TPPP3: variants seen among roughly 807,000 people sequenced by gnomAD.
TPPP3 encodes the protein tubulin polymerization promoting protein family member 3, also known as tubulin polymerization-promoting protein family member 3.
A neutral mutation model predicts 13.1 loss-of-function variants in TPPP3; 7 were observed. The observed-to-expected ratio is 0.54, with a 90% CI of 0.30 to 1.01. The LOEUF (loss-of-function observed/expected upper bound fraction) is 1.01, where lower values mean the gene tolerates loss of function less well. TPPP3 is among the 50% of genes least tolerant of loss of function. The pLI is 0.06. For missense variants in TPPP3, 185 were observed against 235.0 expected, an observed-to-expected ratio of 0.79 and a Z score of 1.39; for synonymous variants, 87 against 93.7, an observed-to-expected ratio of 0.93 and a Z score of 0.41.
Position 67,391,485 on chromosome 16 carries a change from G to A in TPPP3, c.-6-368C>T, listed in dbSNP as rs2040326990. ...GCCTTGCTTGGGTGGAAGTGAGGGT[G>A]GCAGAGCAGGCCCCCTCCCTGGAAG... On this transcript the variant is annotated intron_variant, in intron 1 of 3. Transcript: ENST00000393957. The surrounding 1 kb of genome is among the most constrained non-coding windows in gnomAD (Gnocchi z 6.3). 1 of 210,672 alleles carries A rather than the reference G, an allele frequency of 4.7e-6. No individual in the cohort carries two copies. Among genetic ancestry groups the A allele is most frequent in the Admixed American group, 5.3e-5 (1 of 18,968 alleles). The allele number at this position is 210,672 out of a possible 1,614,324, so 13.1% of individuals were successfully genotyped here. A position where few individuals can be genotyped will look rare whatever the true frequency, so the allele number is the denominator to read the frequency against.
Position 67,390,895 on chromosome 16 carries a change from A to G in TPPP3, c.188+29T>C. On this transcript the variant is annotated intron_variant, in intron 2 of 3. Coordinates refer to ENST00000393957, the MANE Select transcript of TPPP3 (RefSeq NM_015964.4). The surrounding 1 kb of genome is among the most constrained non-coding windows in gnomAD (Gnocchi z 6.4). The stretch of plus-strand genomic sequence containing the variant: ...CCCCAGTTCCCCACCTCCTGGGAAC[A>G]TGAGAAGCAGGGGCTGCTTAGGGCT... 1 of 1,604,416 alleles carries G rather than the reference A, an allele frequency of 6.2e-7. No homozygotes were observed.
Position 67,393,083 on chromosome 16 carries a change from T to G in TPPP3, c.-7+297A>C. ...TCTTGGTCATCTCAGCGCGGTCAGG[T>G]GGCGCTGGGTTGCAGGCCGCAGCCC... is the stretch of plus-strand genomic sequence containing the variant. On this transcript the variant is annotated intron_variant, in intron 1 of 3. Coordinates refer to ENST00000393957, the MANE Select transcript of TPPP3 (RefSeq NM_015964.4). The surrounding 1 kb of genome is among the most constrained non-coding windows in gnomAD (Gnocchi z 5.4). The G allele has an allele frequency of 1.0e-6, 1 of 960,012 alleles. No individual in the cohort carries two copies. Among genetic ancestry groups the G allele is most frequent in the Non-Finnish European group, 1.2e-6 (1 of 806,698 alleles). 59.5% of individuals were successfully genotyped at this position (960,012 alleles called of 1,614,324 possible).
chr16:67,390,298 T>C lies in TPPP3; in HGVS notation c.407A>G (p.Lys136Arg). The change falls in exon 4 of 4, where the codon AAG becomes AGG. Residue 136 changes from lysine (K) to arginine (R), a missense_variant. Physicochemically the swap from Lys to Arg is conservative, Grantham distance 26. Transcript: ENST00000393957. This position sits in a 1 kb window ranked among gnomAD's most constrained non-coding sequence, Gnocchi z 6.4. ...CTTGCCGCTCTCATCGAAGCGCTCCTTGTGGGAGCCCGTGTATCTGCTGGT... is the reference window on the plus strand; with the variant it reads ...CTTGCCGCTCTCATCGAAGCGCTCCCTGTGGGAGCCCGTGTATCTGCTGGT... Reference protein sequence around the residue: ...TDTSRYTGSHKERFDESGKGK... With the variant: ...TDTSRYTGSHRERFDESGKGK... The C allele has an allele frequency of 1.2e-6, 2 of 1,614,236 alleles. No homozygotes were observed. Among genetic ancestry groups the C allele is most frequent in the Non-Finnish European group, 1.7e-6 (2 of 1,180,036 alleles).
At position 67,390,293 on chromosome 16, in the gene TPPP3, G is replaced by A. The variant is rs562124643; in HGVS notation, c.412C>T (p.Arg138Cys). The A allele has an allele frequency of 8.1e-6, 13 of 1,614,204 alleles. No individual in the cohort carries two copies. Among genetic ancestry groups the A allele is most frequent in the African/African-American group, 6.7e-5 (5 of 75,056 alleles). ...TSRYTGSHKE[R>C]FDESGKGKGI... is the part of the protein sequence containing the mutation. Reference sequence around the variant, plus strand: ...TTGCCCTTGCCGCTCTCATCGAAGCGCTCCTTGTGGGAGCCCGTGTATCTG... The same window carrying A: ...TTGCCCTTGCCGCTCTCATCGAAGCACTCCTTGTGGGAGCCCGTGTATCTG... Residue 138 changes from arginine to cysteine, a missense_variant, in exon 4 of 4, where the codon CGC (arginine) becomes TGC (cysteine). By Grantham distance (180) the Arg-to-Cys change is radical (BLOSUM62 -3). Coordinates refer to ENST00000393957, the MANE Select transcript of TPPP3 (RefSeq NM_015964.4). This position sits in a 1 kb window ranked among gnomAD's most constrained non-coding sequence, Gnocchi z 6.4.
Position 67,390,587 on chromosome 16 carries a change from G to C in TPPP3, c.234C>G (p.Ala78=). ...RVINYEEFKK[A]LEELATKRFK... is the part of the protein sequence containing the mutation. ...ATCTCTTGGTCGCCAGCTCTTCCAG[G>C]GCCTTCTTGAACTCCTCATAGTTGA... is the stretch of plus-strand genomic sequence containing the variant. Residue 78 remains alanine, a synonymous_variant, in exon 3 of 4, where the codon GCC becomes GCG. Transcript: ENST00000393957. The surrounding 1 kb of genome is among the most constrained non-coding windows in gnomAD (Gnocchi z 6.4). 1 of 1,613,898 alleles carries C rather than the reference G, an allele frequency of 6.2e-7. No individual in the cohort carries two copies. The highest frequency in any genetic ancestry group is 1.1e-5 in the South Asian group (1 of 91,076).
In TPPP3 at chr16:67,392,536, C is replaced by T. The variant is rs1024067836; in HGVS notation, c.-7+844G>A. On this transcript the variant is annotated intron_variant, in intron 1 of 3. Coordinates refer to ENST00000393957, the MANE Select transcript of TPPP3 (RefSeq NM_015964.4). This position sits in a 1 kb window ranked among gnomAD's most constrained non-coding sequence, Gnocchi z 4.9. ...CAGCACCCCTTTGTCCACACACCCT[C>T]AGCCCTCTGGCCACACCCTCAGCCT... Among the ~76,000 whole-genome samples, 1 of 152,050 alleles carries T rather than the reference C, an allele frequency of 6.6e-6. No individual in the cohort carries two copies. The highest frequency in any genetic ancestry group is 1.5e-5 in the Non-Finnish European group (1 of 68,016).
rs1002628426 is a variant in TPPP3, at chr16:67,390,631, C to G, written c.190G>C (p.Gly64Arg). ...DVDIVFSKVK[G>R]KSARVINYEE... Reference sequence around the variant, plus strand: ...TAGTTGATGACCCGAGCAGACTTCCCCCTGACAGGCATGTGGGCACCATGA... The same window carrying G: ...TAGTTGATGACCCGAGCAGACTTCCGCCTGACAGGCATGTGGGCACCATGA... Residue 64 changes from glycine to arginine, a missense_variant and splice_region_variant, in exon 3 of 4, where the codon GGG becomes CGG. Gly to Arg is a moderately radical substitution (Grantham distance 125, BLOSUM62 -2). Transcript: ENST00000393957. The surrounding 1 kb of genome is among the most constrained non-coding windows in gnomAD (Gnocchi z 6.4). 6.2e-7 allele frequency: 1 copy of G among 1,612,024 alleles called. No homozygotes were observed. Among genetic ancestry groups the G allele is most frequent in the Non-Finnish European group, 8.5e-7 (1 of 1,179,612 alleles).
chr16:67,389,944 A>C lies in TPPP3; in HGVS notation c.*230T>G, dbSNP rs887841295. The C allele has an allele frequency of 3.9e-5, 22 of 569,106 alleles. No individual in the cohort carries two copies. The highest frequency in any genetic ancestry group is 3.6e-4 in the African/African-American group (19 of 53,414). 35.3% of individuals were successfully genotyped at this position (569,106 alleles called of 1,614,324 possible). On this transcript the variant is annotated 3_prime_UTR_variant, in exon 4 of 4. Coordinates refer to ENST00000393957, the MANE Select transcript of TPPP3 (RefSeq NM_015964.4). ...GTTGGGGTCATGAGGCTACAGGCACAGACTGTCCCCAGGTGGACAGAAGTT... is the reference window on the plus strand; with the variant it reads ...GTTGGGGTCATGAGGCTACAGGCACCGACTGTCCCCAGGTGGACAGAAGTT...
In TPPP3 at chr16:67,392,973, G is replaced by A; in HGVS notation, c.-7+407C>T. Reference sequence around the variant, plus strand: ...TGGTTCACCAAGGGTAACGTCCAGGGGAGCTTGGATGCCACAGGGTGCTTG... The same window carrying A: ...TGGTTCACCAAGGGTAACGTCCAGGAGAGCTTGGATGCCACAGGGTGCTTG... On this transcript the variant is annotated intron_variant, in intron 1 of 3. Coordinates refer to ENST00000393957, the MANE Select transcript of TPPP3 (RefSeq NM_015964.4). This position sits in a 1 kb window ranked among gnomAD's most constrained non-coding sequence, Gnocchi z 4.9. The A allele has an allele frequency of 1.0e-6, 1 of 985,526 alleles. No individual in the cohort carries two copies. The highest frequency in any genetic ancestry group is 4.7e-5 in the South Asian group (1 of 21,288). The allele number at this position is 985,526 out of a possible 1,614,324, so 61.0% of individuals were successfully genotyped here.
At position 67,393,116 on chromosome 16, in the gene TPPP3, C is replaced by A; in HGVS notation, c.-7+264G>T. 1 of 837,218 alleles carries A rather than the reference C, an allele frequency of 1.2e-6. No individual in the cohort carries two copies. The highest frequency in any genetic ancestry group is 1.4e-6 in the Non-Finnish European group (1 of 694,332). The allele number at this position is 837,218 out of a possible 1,614,324, so 51.9% of individuals were successfully genotyped here. On this transcript the variant is annotated intron_variant, in intron 1 of 3. Transcript: ENST00000393957. This position sits in a 1 kb window ranked among gnomAD's most constrained non-coding sequence, Gnocchi z 5.4. ...GGTTGCAGGCCGCAGCCCCATGGGT[C>A]TGCAGGCCATGGATGGAGTGGCCAC...
In TPPP3 at chr16:67,393,167, C is replaced by T. The variant is rs576911618; in HGVS notation, c.-7+213G>A. 1.6e-6 allele frequency: 1 copy of T among 621,872 alleles called. No individual in the cohort carries two copies. Among genetic ancestry groups the T allele is most frequent in the Non-Finnish European group, 2.0e-6 (1 of 497,786 alleles). 38.5% of individuals were successfully genotyped at this position (621,872 alleles called of 1,614,324 possible). ...ACCCGTGAACTGGAGCCACCCGTCC[C>T]GCTCCCACTGGGACAGCTGGAGTCA... On this transcript the variant is annotated intron_variant, in intron 1 of 3. Transcript: ENST00000393957. This position sits in a 1 kb window ranked among gnomAD's most constrained non-coding sequence, Gnocchi z 5.4.
Position 67,389,999 on chromosome 16 carries a change from C to A in TPPP3, c.*175G>T. The A allele has an allele frequency of 1.6e-6, 1 of 641,768 alleles. No homozygotes were observed. The highest frequency in any genetic ancestry group is 1.8e-5 in the African/African-American group (1 of 54,670). 39.8% of individuals were successfully genotyped at this position (641,768 alleles called of 1,614,324 possible). A position where few individuals can be genotyped will look rare whatever the true frequency, so the allele number is the denominator to read the frequency against. ...CAGGAAGAGGAGGAGGAAGGGGCCG[C>A]AGAGCAGCCTGGGTCAGAGGCCTGG... On this transcript the variant is annotated 3_prime_UTR_variant, in exon 4 of 4. Coordinates refer to ENST00000393957, the MANE Select transcript of TPPP3 (RefSeq NM_015964.4).
chr16:67,391,333 C>T lies in TPPP3; in HGVS notation c.-6-216G>A. On this transcript the variant is annotated intron_variant, in intron 1 of 3. Coordinates refer to ENST00000393957, the MANE Select transcript of TPPP3 (RefSeq NM_015964.4). The surrounding 1 kb of genome is among the most constrained non-coding windows in gnomAD (Gnocchi z 6.3). Reference sequence around the variant, plus strand: ...GGGAGGCACGGTCTTGTCACTAATGCCAGCCCTGGCTCTCAGCAGGGTTCA... The same window carrying T: ...GGGAGGCACGGTCTTGTCACTAATGTCAGCCCTGGCTCTCAGCAGGGTTCA... The T allele has an allele frequency of 3.4e-6, 2 of 582,322 alleles. No homozygotes were observed. The highest frequency in any genetic ancestry group is 6.1e-6 in the Non-Finnish European group (2 of 326,522). The allele number at this position is 582,322 out of a possible 1,614,324, so 36.1% of individuals were successfully genotyped here.
chr16:67,392,831 T>G lies in TPPP3; in HGVS notation c.-7+549A>C. ...ACTCCCATCCCTAAGTGGCAGTTTC[T>G]GGGACTGTGAGCACCGGTGGTTCCT... is the stretch of plus-strand genomic sequence containing the variant. On this transcript the variant is annotated intron_variant, in intron 1 of 3. Transcript: ENST00000393957. The surrounding 1 kb of genome is among the most constrained non-coding windows in gnomAD (Gnocchi z 4.9). 1 of 387,344 alleles carries G rather than the reference T, an allele frequency of 2.6e-6. No homozygotes were observed. The highest frequency in any genetic ancestry group is 3.5e-6 in the Non-Finnish European group (1 of 282,972). 24.0% of individuals were successfully genotyped at this position (387,344 alleles called of 1,614,324 possible).
At position 67,390,498 on chromosome 16, in the gene TPPP3, G is replaced by A. The variant is rs1406036843; in HGVS notation, c.323C>T (p.Pro108Leu). The change falls in exon 3 of 4, where the codon CCA becomes CTA. Residue 108 changes from proline (P) to leucine (L), a missense_variant. Transcript: ENST00000393957. The surrounding 1 kb of genome is among the most constrained non-coding windows in gnomAD (Gnocchi z 6.4). ...ACTTACAGTGACGCCCACATTGGCTGGCTCTTTGCCTGCCACCAGCTGGCA... is the reference window on the plus strand; with the variant it reads ...ACTTACAGTGACGCCCACATTGGCTAGCTCTTTGCCTGCCACCAGCTGGCA... Reference protein sequence around the residue: ...AICQLVAGKEPANVGVTKAKT... With the variant: ...AICQLVAGKELANVGVTKAKT... 1.9e-6 allele frequency: 3 copies of A among 1,613,718 alleles called. No homozygotes were observed. Among genetic ancestry groups the A allele is most frequent in the African/African-American group, 1.3e-5 (1 of 74,870 alleles).
Position 67,391,043 on chromosome 16 carries a change from G to A in TPPP3, c.69C>T (p.Pro23=), listed in dbSNP as rs779591844. The A allele has an allele frequency of 6.2e-7, 1 of 1,614,168 alleles. No homozygotes were observed. Among genetic ancestry groups the A allele is most frequent in the Non-Finnish European group, 8.5e-7 (1 of 1,180,022 alleles). The change falls in exon 2 of 4, where the codon CCC becomes CCT. Residue 23 remains proline, a synonymous_variant. Transcript: ENST00000393957. This position sits in a 1 kb window ranked among gnomAD's most constrained non-coding sequence, Gnocchi z 6.3. Reference sequence around the variant, plus strand: ...CATTCATCTCTTGCCCACTGGCCTTGGGGTCACCATGGATGGCAAACTTGC... The same window carrying A: ...CATTCATCTCTTGCCCACTGGCCTTAGGGTCACCATGGATGGCAAACTTGC... ...SFRKFAIHGD[P]KASGQEMNGK... is the part of the protein sequence containing the mutation.
rs1310654728 is a variant in TPPP3, at chr16:67,391,323, G to A, written c.-6-206C>T. 1.7e-6 allele frequency: 1 copy of A among 591,240 alleles called. No homozygotes were observed. Among genetic ancestry groups the A allele is most frequent in the Non-Finnish European group, 3.0e-6 (1 of 332,952 alleles). 36.6% of individuals were successfully genotyped at this position (591,240 alleles called of 1,614,324 possible). A position where few individuals can be genotyped will look rare whatever the true frequency, so the allele number is the denominator to read the frequency against. Reference sequence around the variant, plus strand: ...GAAGAGCCCCGGGAGGCACGGTCTTGTCACTAATGCCAGCCCTGGCTCTCA... The same window carrying A: ...GAAGAGCCCCGGGAGGCACGGTCTTATCACTAATGCCAGCCCTGGCTCTCA... On this transcript the variant is annotated intron_variant, in intron 1 of 3. Transcript: ENST00000393957. This position sits in a 1 kb window ranked among gnomAD's most constrained non-coding sequence, Gnocchi z 6.3.
rs958352804 is a variant in TPPP3 at position 67,390,687 on chromosome 16, G to A, written c.189-55C>T. 13 of 1,566,062 alleles carry A rather than the reference G, an allele frequency of 8.3e-6. No individual in the cohort carries two copies. The African/African-American group carries it at 1.2e-4, about 15-fold the overall frequency. On this transcript the variant is annotated intron_variant, in intron 2 of 3. Coordinates refer to ENST00000393957, the MANE Select transcript of TPPP3 (RefSeq NM_015964.4). This position sits in a 1 kb window ranked among gnomAD's most constrained non-coding sequence, Gnocchi z 6.4. ...CCCCTTTCTTTTTTCTCCCCCAGGG[G>A]AAAGCTCAAACACATTTGCTGCCAC... is the stretch of plus-strand genomic sequence containing the variant.
At position 67,391,354 on chromosome 16, in the gene TPPP3, G is replaced by A; in HGVS notation, c.-6-237C>T. 1.8e-6 allele frequency: 1 copy of A among 556,938 alleles called. No homozygotes were observed. The highest frequency in any genetic ancestry group is 3.2e-6 in the Non-Finnish European group (1 of 311,178). 34.5% of individuals were successfully genotyped at this position (556,938 alleles called of 1,614,324 possible). On this transcript the variant is annotated intron_variant, in intron 1 of 3. Transcript: ENST00000393957. This position sits in a 1 kb window ranked among gnomAD's most constrained non-coding sequence, Gnocchi z 6.3. The stretch of plus-strand genomic sequence containing the variant: ...AATGCCAGCCCTGGCTCTCAGCAGG[G>A]TTCAGCAGATGAAATAATGATGCCC...
Sources: allele counts gnomAD v4.1 joint callset (sites outside exome capture counted in the v4.1 genomes callset), GRCh38; gene constraint gnomAD v4.1.1; non-coding constraint Gnocchi (gnomAD v3.1); transcripts MANE v1.5; gene names NCBI Gene and HGNC (gene_info 2026-07-23, HGNC 2026-07-21).